AFAP1: variants seen among roughly 807,000 people sequenced by gnomAD.
AFAP1 encodes the protein actin filament-associated protein 1.
In AFAP1, 75 loss-of-function variants were observed where a neutral mutation model predicts 93.9. That is an observed-to-expected ratio of 0.80 (90% CI 0.66 to 0.97). AFAP1 has a LOEUF of 0.97. Ranked by LOEUF, AFAP1 falls within the 50% of genes least tolerant of loss-of-function variation. The pLI, the probability that AFAP1 is intolerant of heterozygous loss-of-function variation, is 0.00. For synonymous variants in AFAP1, 517 were observed against 430.7 expected (o/e 1.20, Z -2.48); for missense variants, 1,201 against 1,050.8 (o/e 1.14, Z -1.98).
In AFAP1 at chr4:7,890,041, T is replaced by C. The variant is rs987306780; in HGVS notation, c.-2-17961A>G. On this transcript the variant is annotated intron_variant, in intron 1 of 17. Coordinates refer to ENST00000420658, the MANE Select transcript of AFAP1 (RefSeq NM_001134647.2). ...AAAAAAAAAGAAGCCAATTCTAAAA[T>C]AGACAAAAACAAAAAGAACAAAGAA... Among the ~76,000 whole-genome samples the C allele has an allele frequency of 6.4e-4, 65 of 102,290 alleles. 1 individual carries two copies. The highest frequency in any genetic ancestry group is 2.2e-3 in the African/African-American group (61 of 27,630). 67.1% of individuals were successfully genotyped at this position (102,290 alleles called of 152,430 possible). A position where few individuals can be genotyped will look rare whatever the true frequency, so the allele number is the denominator to read the frequency against.
At chr4:7,784,385 T>C (rs1275475495) in intron 12 of AFAP1, among the ~76,000 whole-genome samples, 2 of 152,112 alleles carry the variant, frequency 1.3e-5, no homozygotes, top group Non-Finnish European at 2.9e-5. Context: ...CGCTCCTATG[T>C]CTGTTTCCCT....
intron 12 of AFAP1, among the ~76,000 whole-genome samples, chr4:7,783,759 C>A (rs558907415): frequency 6.6e-6 from 1 of 152,190 alleles, no homozygotes; most frequent in Non-Finnish European, 1.5e-5. Context: ...TGGATGATCA[C>A]GTGTGTGGTT....
intron 11 of AFAP1, among the ~76,000 whole-genome samples, chr4:7,790,426 T>G (rs1717760738): frequency 6.6e-6 from 1 of 152,226 alleles, no homozygotes; most frequent in Non-Finnish European, 1.5e-5. Context: ...AATACTCTAG[T>G]CATTTATAAA....
At position 7,939,797 on chromosome 4, in the gene AFAP1, C is replaced by A; in HGVS notation, c.-144G>T. ...CGCCGCCGCCGCCTCAGCCCGTGTA[C>A]CCCGCTCGAGATCCGGCTCGGCTCG... On this transcript the variant is annotated 5_prime_UTR_variant, in exon 1 of 18. Coordinates refer to ENST00000420658, the MANE Select transcript of AFAP1 (RefSeq NM_001134647.2). This position sits in a 1 kb window ranked among gnomAD's most constrained non-coding sequence, Gnocchi z 5.6. The A allele has an allele frequency of 5.8e-6, 2 of 345,092 alleles. No individual in the cohort carries two copies. The highest frequency in any genetic ancestry group is 2.1e-5 in the South Asian group (1 of 48,270). The allele number at this position is 345,092 out of a possible 1,614,324, so 21.4% of individuals were successfully genotyped here. A position where few individuals can be genotyped will look rare whatever the true frequency, so the allele number is the denominator to read the frequency against.
At chr4:7,889,076 G>A (rs1718291675) in intron 1 of AFAP1, among the ~76,000 whole-genome samples, 1 of 152,108 alleles carries the variant, frequency 6.6e-6, no homozygotes, top group Non-Finnish European at 1.5e-5. Context: ...ACAGGCATGA[G>A]CCATTGTGCC....
At chr4:7,804,481 G>GAGGATATCTCA (rs759799117) in intron 9 of AFAP1, among the ~76,000 whole-genome samples, 1 of 152,044 alleles carries the variant, frequency 6.6e-6, no homozygotes, top group African/African-American at 2.4e-5. Context: ...AGAGGATCAT[G>GAGGATATCTCA]CTAGAAATAG....
At chr4:7,902,720 G>A (rs1719185221) in intron 1 of AFAP1, among the ~76,000 whole-genome samples, 1 of 152,320 alleles carries the variant, frequency 6.6e-6, no homozygotes, top group Middle Eastern at 3.4e-3. Flanking sequence ...CACATTCAGA[G>A]TCGGGGAAGA....
intron 1 of AFAP1, chr4:7,872,292 G>A (rs1434485785): frequency 2.0e-6 from 1 of 504,730 alleles, no homozygotes; most frequent in African/African-American, 2.0e-5. Context: ...TCTGCTTTAA[G>A]GCAGCAAAAT....
At chr4:7,777,032 C>G (rs184504656) in intron 14 of AFAP1, 1 of 152,096 alleles carries the variant, frequency 6.6e-6, no homozygotes, top group African/African-American at 2.4e-5. Context: ...ACAGAACATC[C>G]CATAAAATAA....
intron 4 of AFAP1, among the ~76,000 whole-genome samples, chr4:7,848,507 G>A (rs61081420): frequency 0.092 from 14,004 of 152,148 alleles, 1,209 homozygotes; most frequent in East Asian, 0.48. Flanking sequence ...CCAAGGCCGG[G>A]ATGCCTGAAG....
intron 1 of AFAP1, among the ~76,000 whole-genome samples, chr4:7,879,699 C>CTTTTTTTTTTTTTTTTT (rs552211338): frequency 3.3e-5 from 4 of 121,720 alleles, no homozygotes; most frequent in African/African-American, 1.2e-4. Flanking sequence ...TGCTTGCTTG[C>CTTTTTTTTTTTTTTTTT]TTTTTTTTTT....
intron 13 of AFAP1, among the ~76,000 whole-genome samples, chr4:7,780,160 C>G (rs1357290548): frequency 6.6e-6 from 1 of 152,176 alleles, no homozygotes; most frequent in East Asian, 1.9e-4. Context: ...AACTTTTTGG[C>G]ATAAGTCCTC....
chr4:7,929,423 G>C (rs1720941611), intron 1 of AFAP1, among the ~76,000 whole-genome samples: 1 of 152,190 alleles, frequency 6.6e-6, no homozygotes, highest in Non-Finnish European at 1.5e-5. Context: ...AAAAAACAAA[G>C]AGAATTCAGG....
intron 1 of AFAP1, among the ~76,000 whole-genome samples, chr4:7,877,611 C>G (rs1438800302): frequency 1.3e-5 from 2 of 152,176 alleles, no homozygotes; most frequent in Admixed American, 6.5e-5. Flanking sequence ...ATAATCTGCT[C>G]ACAGTCATAT....
chr4:7,786,324 A>G lies in AFAP1; in HGVS notation c.1413-13T>C. The G allele has an allele frequency of 1.2e-6, 2 of 1,602,966 alleles. No homozygotes were observed. The highest frequency in any genetic ancestry group is 1.7e-6 in the Non-Finnish European group (2 of 1,169,850). On this transcript the variant is annotated splice_polypyrimidine_tract_variant and intron_variant, in intron 11 of 17. Coordinates refer to ENST00000420658, the MANE Select transcript of AFAP1 (RefSeq NM_001134647.2). ...CCTGTTCATGAAACTGAAAGAAAGG[A>G]AATGCGTTAAAATCCATAACCTGAC...
At chr4:7,886,612 C>G (rs564775900) in intron 1 of AFAP1, among the ~76,000 whole-genome samples, 2 of 152,192 alleles carry the variant, frequency 1.3e-5, no homozygotes, top group East Asian at 3.8e-4. Flanking sequence ...GGAAATTAGC[C>G]TGACCCTTAA....
intron 1 of AFAP1, among the ~76,000 whole-genome samples, chr4:7,899,695 A>C (rs1047302353): frequency 5.9e-5 from 9 of 152,160 alleles, no homozygotes; most frequent in African/African-American, 2.2e-4. Context: ...CCCAGCTCTG[A>C]CAGTCTTGAA....
intron 1 of AFAP1, among the ~76,000 whole-genome samples, chr4:7,875,943 A>G (rs942409424): frequency 6.6e-6 from 1 of 152,162 alleles, no homozygotes; most frequent in Non-Finnish European, 1.5e-5. Context: ...ATGTAGGGTT[A>G]TTATTTAATG....
chr4:7,807,170 G>T (rs997739326), intron 9 of AFAP1, among the ~76,000 whole-genome samples: 1 of 151,968 alleles, frequency 6.6e-6, no homozygotes, highest in Non-Finnish European at 1.5e-5. Flanking sequence ...TTTCAAGGAA[G>T]AATTTCTATT....
Sources: allele counts gnomAD v4.1 joint callset (sites outside exome capture counted in the v4.1 genomes callset), GRCh38; gene constraint gnomAD v4.1.1; non-coding constraint Gnocchi (gnomAD v3.1); transcripts MANE v1.5; gene names NCBI Gene and HGNC (gene_info 2026-07-23, HGNC 2026-07-21).